CTNNA2: variants seen among roughly 807,000 people sequenced by gnomAD.
The protein encoded by CTNNA2 is catenin alpha-2.
In CTNNA2, 42 loss-of-function variants were observed where a neutral mutation model predicts 101.0. The ratio of observed to expected loss-of-function variants is 0.42; its 90% CI spans 0.32 to 0.54. The LOEUF (loss-of-function observed/expected upper bound fraction) is 0.54. Ranked by LOEUF, CTNNA2 falls within the 20% of genes least tolerant of loss-of-function variation. The probability of loss-of-function intolerance (pLI) is 0.14; values close to 1 mark genes in which losing one functional copy is unlikely to be tolerated. For missense variants in CTNNA2, 871 were observed against 1,223.1 expected (o/e 0.71, Z 4.29); for synonymous variants, 450 against 456.4 (o/e 0.99, Z 0.18).
chr2:80,431,686 A>G (rs984992717), intron 9 of CTNNA2, among the ~76,000 whole-genome samples: 3 of 152,102 alleles, frequency 2.0e-5, no homozygotes, highest in African/African-American at 7.2e-5. Context: ...ATCACTCCTT[A>G]TTGTACTCCC....
intron 7 of CTNNA2, among the ~76,000 whole-genome samples, chr2:79,964,559 T>A (rs1187696981): frequency 6.6e-6 from 1 of 152,188 alleles, no homozygotes; most frequent in East Asian, 1.9e-4. Context: ...CCTTTGTGGG[T>A]TCTAGTTTAT....
intron 11 of CTNNA2, among the ~76,000 whole-genome samples, chr2:80,550,896 G>A (rs774912698): frequency 3.3e-5 from 5 of 152,092 alleles, no homozygotes; most frequent in Non-Finnish European, 5.9e-5. Context: ...GTTCTTAGTG[G>A]CAACTAGGAT....
intron 2 of CTNNA2, among the ~76,000 whole-genome samples, chr2:79,267,281 C>G (rs992118812): frequency 1.3e-5 from 2 of 152,094 alleles, no homozygotes; most frequent in African/African-American, 2.4e-5. Context: ...AAATTTACTT[C>G]TTGCAGTTCT....
intron 7 of CTNNA2, among the ~76,000 whole-genome samples, chr2:80,103,120 A>G (rs893681416): frequency 3.3e-5 from 5 of 152,146 alleles, no homozygotes; most frequent in Non-Finnish European, 7.4e-5. Flanking sequence ...CTTGATTTTT[A>G]GTACCTCTTT....
At position 80,608,174 on chromosome 2, in the gene CTNNA2, T is replaced by G; in HGVS notation, c.2296-10T>G. The stretch of plus-strand genomic sequence containing the variant: ...TTACTAATCAAGATCACTCTTTTAA[T>G]GTTTTATAGTGTCCTGATTCAGCAT... On this transcript the variant is annotated splice_polypyrimidine_tract_variant and intron_variant, in intron 16 of 18. Transcript: ENST00000402739. The G allele has an allele frequency of 6.3e-7, 1 of 1,598,286 alleles. No homozygotes were observed. Among genetic ancestry groups the G allele is most frequent in the South Asian group, 1.1e-5 (1 of 89,450 alleles).
At position 80,466,544 on chromosome 2, in the gene CTNNA2, A is replaced by G. The variant is rs551944512; in HGVS notation, c.1290+46943A>G. 1.4e-4 allele frequency among the ~76,000 whole-genome samples: 22 copies of G among 152,330 alleles called. 1 individual carries two copies. The East Asian group carries it at 4.2e-3, about 29-fold the overall frequency. ...AGCCTCTTAATAAAAAATGTTGTAG[A>G]CAATATTTTTGCAAAAAAAAGAAAC... On this transcript the variant is annotated intron_variant, in intron 9 of 18. Transcript: ENST00000402739.
At chr2:80,008,127 A>G (rs1405909411) in intron 7 of CTNNA2, among the ~76,000 whole-genome samples, 1 of 152,182 alleles carries the variant, frequency 6.6e-6, no homozygotes, top group Non-Finnish European at 1.5e-5. Context: ...CTGTCCCAGG[A>G]ACAGATGGAA....
Position 80,647,601 on chromosome 2 carries a change from C to T in CTNNA2, c.2591C>T (p.Ser864Leu), listed in dbSNP as rs1448881716. The T allele has an allele frequency of 2.5e-6, 4 of 1,612,090 alleles. No individual in the cohort carries two copies. The highest frequency in any genetic ancestry group is 1.3e-5 in the African/African-American group (1 of 74,840). ...SDSSMLDSAT[S>L]LIQAAKNLMN... ...CTACTCTAGCTGGACAGTGCCACATCGCTTATCCAGGCAGCTAAAAACCTG... is the reference window on the plus strand; with the variant it reads ...CTACTCTAGCTGGACAGTGCCACATTGCTTATCCAGGCAGCTAAAAACCTG... Residue 864 changes from serine (S) to leucine (L), a missense_variant, in exon 19 of 19, where the codon TCG (serine) becomes TTG (leucine). This residue lies in a region of CTNNA2 where 25 missense variants were observed against 69.5 expected (regional missense o/e 0.36). Transcript: ENST00000402739.
intron 7 of CTNNA2, among the ~76,000 whole-genome samples, chr2:80,160,128 C>T (rs1704222524): frequency 1.3e-5 from 2 of 152,088 alleles, no homozygotes; most frequent in South Asian, 4.2e-4. Context: ...AAAAATGTGT[C>T]CATTTCTGGG....
At chr2:79,926,027 C>G (rs1182352033) in intron 7 of CTNNA2, among the ~76,000 whole-genome samples, 1 of 152,058 alleles carries the variant, frequency 6.6e-6, no homozygotes, top group Non-Finnish European at 1.5e-5. Flanking sequence ...GATAGCAGAC[C>G]TATCCTGAAA....
chr2:80,237,459 A>G (rs192316156), intron 7 of CTNNA2, among the ~76,000 whole-genome samples: 74 of 152,264 alleles, frequency 4.9e-4, no homozygotes, highest in African/African-American at 1.7e-3. Flanking sequence ...AGGAGCATCT[A>G]TACATAGGTG....
At chr2:80,487,315 C>T (rs1207961500) in intron 9 of CTNNA2, among the ~76,000 whole-genome samples, 1 of 149,228 alleles carries the variant, frequency 6.7e-6, no homozygotes. Context: ...CAATTTTAAT[C>T]AATTAAGTCT....
intron 15 of CTNNA2, among the ~76,000 whole-genome samples, chr2:80,601,033 T>A (rs1697452536): frequency 6.6e-6 from 1 of 152,184 alleles, no homozygotes; most frequent in Non-Finnish European, 1.5e-5. Flanking sequence ...CCCTGAACTT[T>A]GTAGCATTTG....
intron 2 of CTNNA2, among the ~76,000 whole-genome samples, chr2:79,242,128 G>A (rs1226166902): frequency 2.6e-5 from 4 of 151,902 alleles, no homozygotes; most frequent in Non-Finnish European, 5.9e-5. Flanking sequence ...GGATGGTCTC[G>A]ATCTCCTGAC....
intron 8 of CTNNA2, among the ~76,000 whole-genome samples, chr2:80,395,663 A>T (rs1182068046): frequency 2.6e-5 from 4 of 152,228 alleles, no homozygotes; most frequent in Non-Finnish European, 5.9e-5. Flanking sequence ...TGGGTCTCTG[A>T]TAGCCCCTCC....
intron 2 of CTNNA2, among the ~76,000 whole-genome samples, chr2:79,738,900 C>T (rs1486613174): frequency 6.6e-6 from 1 of 152,122 alleles, no homozygotes; most frequent in Admixed American, 6.5e-5. Context: ...CAAAGCCTTG[C>T]AAAGTTTTGT....
intron 10 of CTNNA2, among the ~76,000 whole-genome samples, chr2:80,545,422 G>C (rs1340264908): frequency 6.6e-6 from 1 of 152,130 alleles, no homozygotes; most frequent in Non-Finnish European, 1.5e-5. Context: ...GGGCATTCCT[G>C]TAGTCCCAGT....
intron 7 of CTNNA2, among the ~76,000 whole-genome samples, chr2:80,165,478 C>G (rs905514780): frequency 3.2e-4 from 48 of 152,078 alleles, no homozygotes; most frequent in East Asian, 2.1e-3. Context: ...TTTGATAAGG[C>G]CTTCTATTTA....
chr2:79,682,430 A>G (rs868070684), intron 2 of CTNNA2, among the ~76,000 whole-genome samples: 1,641 of 149,028 alleles, frequency 0.011, 21 homozygotes, highest in Non-Finnish European at 0.016. Context: ...AAAAAAAAAA[A>G]AAGAAGAAAG....
Sources: gnomAD v4.1 joint callset for allele counts (sites outside exome capture counted in the v4.1 genomes callset) on GRCh38, gnomAD v4.1.1 for gene constraint, gnomAD v4.1.1 regional missense constraint, MANE v1.5 for transcripts, NCBI Gene and HGNC (gene_info 2026-07-23, HGNC 2026-07-21) for gene names.